PHF24: variants seen among roughly 807,000 people sequenced by gnomAD.
PHF24 encodes PHD finger protein 24, also known as Galpha inhibitory interacting protein.
PHF24 carries 25 observed loss-of-function variants against 42.6 expected under a neutral mutation model. The observed-to-expected ratio is 0.59, with a 90% CI of 0.43 to 0.82. The LOEUF (loss-of-function observed/expected upper bound fraction) is 0.82. PHF24 is among the 40% of genes least tolerant of loss of function. PHF24 has a pLI of 0.00. For synonymous variants in PHF24, 185 were observed against 204.8 expected (o/e 0.90, Z 0.83); for missense variants, 470 against 538.1 (o/e 0.87, Z 1.25).
At chr9:34,958,169 T>C (rs949891049), upstream of PHF24, 1 of 148,140 alleles carries the variant, frequency 6.8e-6, no homozygotes, top group African/African-American at 2.5e-5. This position sits in a 1 kb window ranked among gnomAD's most constrained non-coding sequence, Gnocchi z 4.5. Context: ...CCAGGGCACC[T>C]CGCGCGGGTG....
the PHF24 span, among the ~76,000 whole-genome samples, chr9:34,750,505 A>C: frequency 0.012 from 1,820 of 146,800 alleles, 37 homozygotes; most frequent in African/African-American, 0.038. Flanking sequence ...TAAATAAATA[A>C]ATAAATAAAT....
At chr9:34,737,489 A>G in the PHF24 span, among the ~76,000 whole-genome samples, 1 of 152,220 alleles carries the variant, frequency 6.6e-6, no homozygotes, top group Non-Finnish European at 1.5e-5. Flanking sequence ...TACCATGAAT[A>G]ATGCTGCTAT....
At chr9:34,908,842 C>CTTTTTTTTTTTTTT in the PHF24 span, among the ~76,000 whole-genome samples, 14 of 135,342 alleles carry the variant, frequency 1.0e-4, no homozygotes, top group South Asian at 2.3e-4. Context: ...CTTTTCTTTT[C>CTTTTTTTTTTTTTT]TTTTTTTTTT....
chr9:34,922,392 A>C, the PHF24 span: 1 of 1,428,252 alleles, frequency 7.0e-7, no homozygotes, highest in Admixed American at 1.7e-5. Flanking sequence ...GTCATAATAG[A>C]ACACGGAGAA....
the PHF24 span, among the ~76,000 whole-genome samples, chr9:34,896,088 G>C: frequency 6.6e-6 from 1 of 152,002 alleles, no homozygotes; most frequent in Admixed American, 6.5e-5. Context: ...ACCTATTCCT[G>C]ACACCTAGTG....
the PHF24 span, chr9:34,922,974 G>A: frequency 3.4e-4 from 382 of 1,119,630 alleles, 1 homozygote; most frequent in African/African-American, 5.4e-3. Context: ...CCTCGCCCCA[G>A]TCTACCTGGG....
the PHF24 span, among the ~76,000 whole-genome samples, chr9:34,878,511 C>T: frequency 4.6e-5 from 7 of 152,226 alleles, no homozygotes; most frequent in Admixed American, 1.3e-4. Flanking sequence ...GGGACACTCT[C>T]ACCCTAATAC....
the PHF24 span, among the ~76,000 whole-genome samples, chr9:34,843,444 T>C: frequency 2.6e-5 from 4 of 152,228 alleles, no homozygotes; most frequent in African/African-American, 9.6e-5. Flanking sequence ...TTCTGTTCCA[T>C]TGATCTATTT....
the PHF24 span, chr9:34,723,669 A>G: frequency 6.4e-7 from 1 of 1,551,662 alleles, no homozygotes; most frequent in Non-Finnish European, 8.7e-7. Flanking sequence ...AGCCCATGCA[A>G]AACTTGGCCT....
chr9:34,739,803 G>C, the PHF24 span, among the ~76,000 whole-genome samples: 1 of 152,144 alleles, frequency 6.6e-6, no homozygotes, highest in Admixed American at 6.5e-5. Context: ...GGCTGGGGCA[G>C]CCTGCTTTTA....
At chr9:34,734,502 A>T in the PHF24 span, among the ~76,000 whole-genome samples, 1 of 152,182 alleles carries the variant, frequency 6.6e-6, no homozygotes. Flanking sequence ...CCCTTCCCAG[A>T]TTCTTCTCCC....
the PHF24 span, among the ~76,000 whole-genome samples, chr9:34,702,763 C>T: frequency 6.6e-6 from 1 of 152,140 alleles, no homozygotes; most frequent in African/African-American, 2.4e-5. Context: ...TGAGCTATTA[C>T]TGCACCATTG....
At chr9:34,836,206 A>C in the PHF24 span, among the ~76,000 whole-genome samples, 1 of 152,182 alleles carries the variant, frequency 6.6e-6, no homozygotes, top group South Asian at 2.1e-4. Flanking sequence ...TTCTTAAGAA[A>C]ATGGCATTTG....
chr9:34,967,167 C>T (rs1233506343), intron 1 of PHF24, among the ~76,000 whole-genome samples: 1 of 152,190 alleles, frequency 6.6e-6, no homozygotes, highest in African/African-American at 2.4e-5. Context: ...ACCACACAGA[C>T]TCCTAAGAGA....
At chr9:34,810,975 G>T in the PHF24 span, among the ~76,000 whole-genome samples, 1 of 151,290 alleles carries the variant, frequency 6.6e-6, no homozygotes, top group Non-Finnish European at 1.5e-5. Context: ...TGGAATAACT[G>T]ACTTTGGCAG....
chr9:34,701,993 A>G, the PHF24 span, among the ~76,000 whole-genome samples: 1 of 152,166 alleles, frequency 6.6e-6, no homozygotes, highest in Admixed American at 6.5e-5. The surrounding 1 kb of genome is among the most constrained non-coding windows in gnomAD (Gnocchi z 5.8). Context: ...CGCACCCGAT[A>G]GATATCTTAC....
At chr9:34,738,072 C>T in the PHF24 span, among the ~76,000 whole-genome samples, 68 of 151,910 alleles carry the variant, frequency 4.5e-4, no homozygotes, top group African/African-American at 1.5e-3. Flanking sequence ...TCAAGGACCC[C>T]CAGTTGTTAC....
At chr9:34,735,847 A>G in the PHF24 span, among the ~76,000 whole-genome samples, 8 of 152,074 alleles carry the variant, frequency 5.3e-5, 1 homozygote, top group Non-Finnish European at 1.2e-4. Flanking sequence ...AGACTTAGAT[A>G]TATGATACAT....
the PHF24 span, among the ~76,000 whole-genome samples, chr9:34,799,184 A>T: frequency 6.6e-6 from 1 of 152,206 alleles, no homozygotes; most frequent in South Asian, 2.1e-4. Context: ...AGCAGATAGA[A>T]TCTGAAAAAG....
Sources: allele counts gnomAD v4.1 joint callset (sites outside exome capture counted in the v4.1 genomes callset), GRCh38; gene constraint gnomAD v4.1.1; non-coding constraint Gnocchi (gnomAD v3.1); transcripts MANE v1.5; gene names NCBI Gene and HGNC (gene_info 2026-07-23, HGNC 2026-07-21).